FAM114A1: variants seen among roughly 807,000 people sequenced by gnomAD.
FAM114A1 encodes the protein protein NOXP20.
FAM114A1 carries 62 observed loss-of-function variants against 64.3 expected under a neutral mutation model. The observed-to-expected ratio is 0.96, with a 90% CI of 0.79 to 1.19. The LOEUF is 1.19. Ranked by LOEUF, FAM114A1 falls within the 50% of genes most tolerant of loss-of-function variation. The probability of loss-of-function intolerance (pLI) is 0.00; values close to 1 mark genes in which losing one functional copy is unlikely to be tolerated. For synonymous variants in FAM114A1, 254 were observed against 251.1 expected (o/e 1.01, Z -0.11); for missense variants, 645 against 676.3 (o/e 0.95, Z 0.51).
chr4:38,942,009 C>T (rs543177198), intron 14 of FAM114A1, among the ~76,000 whole-genome samples: 11 of 151,674 alleles, frequency 7.3e-5, no homozygotes, highest in Non-Finnish European at 1.3e-4. Context: ...GTGAAAGGCA[C>T]ATCTCACATG....
At chr4:38,902,414 C>G (rs116379400) in intron 4 of FAM114A1, among the ~76,000 whole-genome samples, 1 of 152,032 alleles carries the variant, frequency 6.6e-6, no homozygotes, top group Non-Finnish European at 1.5e-5. Flanking sequence ...AATGCACAGC[C>G]GCAGAGACTC....
At chr4:38,869,015 G>A (rs1169991331) in intron 2 of FAM114A1, among the ~76,000 whole-genome samples, 1 of 152,170 alleles carries the variant, frequency 6.6e-6, no homozygotes. Flanking sequence ...GAATCTGAGC[G>A]ATTCAGACCA....
chr4:38,882,281 C>T (rs1222622795), intron 3 of FAM114A1, among the ~76,000 whole-genome samples: 10 of 121,436 alleles, frequency 8.2e-5, no homozygotes, highest in East Asian at 2.2e-4. Context: ...CACTGCAGTC[C>T]GCAGTCCGGC....
At chr4:38,927,695 G>GT (rs1560327008) in intron 9 of FAM114A1, among the ~76,000 whole-genome samples, 2 of 151,988 alleles carry the variant, frequency 1.3e-5, no homozygotes, top group African/African-American at 2.4e-5. Context: ...ATTTTGTTTT[G>GT]TTTTTTGAGA....
At chr4:38,936,804 G>A (rs1181227107) in intron 13 of FAM114A1, among the ~76,000 whole-genome samples, 1 of 151,448 alleles carries the variant, frequency 6.6e-6, no homozygotes, top group Non-Finnish European at 1.5e-5. Context: ...ACCGGCCTCG[G>A]CCTCCCAAAC....
chr4:38,914,830 A>G (rs1718880270), intron 7 of FAM114A1, 91 bp from the exon 8 acceptor site: 7 of 1,423,790 alleles, frequency 4.9e-6, no homozygotes, highest in Admixed American at 2.4e-5. Flanking sequence ...CTCCAACACA[A>G]AATCAGTCCT....
At position 38,931,610 on chromosome 4, in the gene FAM114A1, G is replaced by C. The variant is rs561567412; in HGVS notation, c.1321G>C (p.Glu441Gln). 5 of 1,611,570 alleles carry C rather than the reference G, an allele frequency of 3.1e-6. No homozygotes were observed. In the African/African-American group the frequency reaches 5.3e-5, roughly 17 times the overall value. ...KKEEKKTKTIEEVYMSSIESL... is the reference protein window; with the variant it reads ...KKEEKKTKTIQEVYMSSIESL... ...GGAGGAAAAGAAAACTAAGACCATA[G>C]AGGTAAATTCATTCTAGATTGTCTG... The change falls in exon 11 of 15, where the codon GAG (glutamate) becomes CAG (glutamine). Residue 441 changes from glutamate (E) to glutamine (Q), a missense_variant and splice_region_variant. Coordinates refer to ENST00000358869, the MANE Select transcript of FAM114A1 (RefSeq NM_138389.4).
chr4:38,870,816 T>A (rs909989748), intron 2 of FAM114A1, among the ~76,000 whole-genome samples: 2 of 152,200 alleles, frequency 1.3e-5, no homozygotes, highest in African/African-American at 4.8e-5. Flanking sequence ...CAGCAGCCCC[T>A]GCTCAGAAAC....
At chr4:38,927,642 G>T (rs187925854) in intron 9 of FAM114A1, among the ~76,000 whole-genome samples, 21 of 152,216 alleles carry the variant, frequency 1.4e-4, no homozygotes, top group Admixed American at 7.2e-4. Flanking sequence ...TCCATAAAAC[G>T]TATCCCTTGA....
chr4:38,872,795 A>G (rs188057813), intron 2 of FAM114A1, among the ~76,000 whole-genome samples: 130 of 152,368 alleles, frequency 8.5e-4, no homozygotes, highest in African/African-American at 3.0e-3. Flanking sequence ...CTGTGTTGCA[A>G]TGACTCAGCT....
At chr4:38,920,895 A>G (rs373541224) in intron 8 of FAM114A1, among the ~76,000 whole-genome samples, 3 of 152,286 alleles carry the variant, frequency 2.0e-5, no homozygotes, top group African/African-American at 4.8e-5. Context: ...ACTCCACGCT[A>G]ATGGGTTTTG....
At chr4:38,882,078 C>T (rs1298974803) in intron 3 of FAM114A1, among the ~76,000 whole-genome samples, 3 of 151,202 alleles carry the variant, frequency 2.0e-5, no homozygotes, top group Admixed American at 6.6e-5. Context: ...TTTGGGAGGC[C>T]GAGGCGGGTG....
At position 38,917,909 on chromosome 4, in the gene FAM114A1, T is replaced by C. The variant is rs1334833710; in HGVS notation, c.945+2836T>C. On this transcript the variant is annotated intron_variant, in intron 8 of 14. Coordinates refer to ENST00000358869, the MANE Select transcript of FAM114A1 (RefSeq NM_138389.4). ...GTCTTGACTTAGTAATGATAGTTAA[T>C]GGGTACTATAATAAACAGTCCTACA... is the stretch of plus-strand genomic sequence containing the variant. Among the ~76,000 whole-genome samples, 7 of 152,212 alleles carry C rather than the reference T, an allele frequency of 4.6e-5. No homozygotes were observed. In the East Asian group the frequency reaches 5.8e-4, roughly 13 times the overall value.
chr4:38,918,501 T>C (rs902959941), intron 8 of FAM114A1, among the ~76,000 whole-genome samples: 9 of 152,210 alleles, frequency 5.9e-5, no homozygotes. Context: ...ACATTTTAAC[T>C]TTAGATGAAC....
chr4:38,923,506 C>T (rs916930601), intron 9 of FAM114A1, among the ~76,000 whole-genome samples: 3 of 152,178 alleles, frequency 2.0e-5, no homozygotes, highest in Non-Finnish European at 4.4e-5. Flanking sequence ...CAGGCATGAG[C>T]CGCCTTGCCT....
At chr4:38,901,170 A>G (rs1367182223) in intron 4 of FAM114A1, among the ~76,000 whole-genome samples, 3 of 152,210 alleles carry the variant, frequency 2.0e-5, no homozygotes, top group African/African-American at 7.2e-5. Context: ...CCTTTAGCAT[A>G]TGGGACCAAT....
intron 4 of FAM114A1, among the ~76,000 whole-genome samples, chr4:38,894,633 G>C (rs1323164812): frequency 6.6e-6 from 1 of 152,218 alleles, no homozygotes; most frequent in Non-Finnish European, 1.5e-5. Flanking sequence ...ATGCTGGATA[G>C]TAAATTCAAT....
intron 3 of FAM114A1, among the ~76,000 whole-genome samples, chr4:38,882,774 A>G (rs1233852725): frequency 6.6e-6 from 1 of 152,188 alleles, no homozygotes; most frequent in Non-Finnish European, 1.5e-5. Context: ...GTATGCATAT[A>G]TATTTGTAAG....
intron 9 of FAM114A1, among the ~76,000 whole-genome samples, chr4:38,927,467 G>A (rs1267121445): frequency 6.6e-6 from 1 of 151,942 alleles, no homozygotes; most frequent in Non-Finnish European, 1.5e-5. Flanking sequence ...GGTTCATGGG[G>A]GGCTCCCCAC....
Sources: allele counts gnomAD v4.1 joint callset (sites outside exome capture counted in the v4.1 genomes callset), GRCh38; gene constraint gnomAD v4.1.1; transcripts MANE v1.5; gene names NCBI Gene and HGNC (gene_info 2026-07-23, HGNC 2026-07-21).